The following RNF220 variants were observed in gnomAD, a reference collection of about 807,000 sequenced individuals.
RNF220 encodes the protein E3 ubiquitin-protein ligase RNF220.
In RNF220, 7 loss-of-function variants were observed where a neutral mutation model predicts 67.1. The ratio of observed to expected loss-of-function variants is 0.10; its 90% CI spans 0.06 to 0.20. The LOEUF (loss-of-function observed/expected upper bound fraction) is 0.20, where lower values mean the gene tolerates loss of function less well. Among genes scored for constraint, RNF220 ranks in the 10% least tolerant of loss-of-function variants. The pLI, the probability that RNF220 is intolerant of heterozygous loss-of-function variation, is 1.00. For missense variants in RNF220, 565 were observed against 740.3 expected, an observed-to-expected ratio of 0.76 and a Z score of 2.75; for synonymous variants, 270 against 283.2, an observed-to-expected ratio of 0.95 and a Z score of 0.47.
intron 2 of RNF220, among the ~76,000 whole-genome samples, chr1:44,472,879 C>A (rs929903484): frequency 2.6e-5 from 4 of 152,200 alleles, no homozygotes; most frequent in African/African-American, 9.6e-5. Context: ...GCCTGTGGCT[C>A]CCTGCCACCT....
At position 44,494,463 on chromosome 1, in the gene RNF220, G is replaced by C. The variant is rs1334128212; in HGVS notation, c.625+81741G>C. On this transcript the variant is annotated intron_variant, in intron 2 of 14. Coordinates refer to ENST00000361799, the MANE Select transcript of RNF220 (RefSeq NM_018150.4). ...GAGACAACCTAAATGTTCCTCTCTA[G>C]GGAGCAGGTTAAAAAAATCATAATT... 2.0e-5 allele frequency among the ~76,000 whole-genome samples: 3 copies of C among 152,040 alleles called. No individual in the cohort carries two copies. The East Asian group carries it at 5.8e-4, about 29-fold the overall frequency.
chr1:44,514,585 G>A (rs1034906293), intron 2 of RNF220, among the ~76,000 whole-genome samples: 3 of 152,042 alleles, frequency 2.0e-5, no homozygotes, highest in Non-Finnish European at 4.4e-5. Flanking sequence ...CTCCTCTTCC[G>A]GCCTGCAGAA....
chr1:44,458,336 G>T (rs1451452545), intron 2 of RNF220, among the ~76,000 whole-genome samples: 1 of 141,184 alleles, frequency 7.1e-6, no homozygotes, highest in Non-Finnish European at 1.5e-5. Flanking sequence ...GATTTTTCCA[G>T]TTTTTTTTTT....
intron 1 of RNF220, among the ~76,000 whole-genome samples, chr1:44,406,581 G>A (rs924822885): frequency 1.3e-5 from 2 of 152,246 alleles, no homozygotes; most frequent in Non-Finnish European, 2.9e-5. Context: ...GGTCGCTGCG[G>A]TCCTGCGGCC....
intron 2 of RNF220, among the ~76,000 whole-genome samples, chr1:44,521,046 C>T (rs1290528905): frequency 1.3e-5 from 2 of 152,120 alleles, no homozygotes; most frequent in East Asian, 1.9e-4. Flanking sequence ...CAGGTGTGCA[C>T]CACCATGCCC....
intron 2 of RNF220, among the ~76,000 whole-genome samples, chr1:44,538,093 T>C (rs555093946): frequency 4.6e-5 from 7 of 152,386 alleles, no homozygotes; most frequent in African/African-American, 1.7e-4. Context: ...GTCCCTAGAC[T>C]TATCTGACTA....
At chr1:44,439,443 T>C (rs930920560) in intron 2 of RNF220, among the ~76,000 whole-genome samples, 19 of 152,096 alleles carry the variant, frequency 1.2e-4, no homozygotes, top group African/African-American at 4.6e-4. Context: ...TCTTTTTTAA[T>C]CTATAATATT....
chr1:44,623,147 T>C (rs1643863548), intron 4 of RNF220, among the ~76,000 whole-genome samples: 1 of 151,952 alleles, frequency 6.6e-6, no homozygotes, highest in Admixed American at 6.6e-5. Flanking sequence ...AATAAAGAAA[T>C]GCAGGTCAAG....
chr1:44,489,364 C>T (rs1656644563), intron 2 of RNF220, among the ~76,000 whole-genome samples: 1 of 152,198 alleles, frequency 6.6e-6, no homozygotes, highest in Non-Finnish European at 1.5e-5. Context: ...TACTATGAAG[C>T]AGAAGATGGT....
At chr1:44,450,332 A>G (rs1366154236) in intron 2 of RNF220, among the ~76,000 whole-genome samples, 1 of 152,144 alleles carries the variant, frequency 6.6e-6, no homozygotes, top group Non-Finnish European at 1.5e-5. Flanking sequence ...TGGTTTTGAA[A>G]TGTATAGGTA....
chr1:44,518,219 A>T (rs577481549), intron 2 of RNF220, among the ~76,000 whole-genome samples: 1 of 152,126 alleles, frequency 6.6e-6, no homozygotes, highest in East Asian at 1.9e-4. Context: ...TCAGGCCAGG[A>T]GTTCGAGAAT....
At chr1:44,424,098 TAGGAG>T in intron 2 of RNF220, 5 of 819,986 alleles carry the variant, frequency 6.1e-6, no homozygotes, top group Non-Finnish European at 5.9e-6. Flanking sequence ...ATCAAAGAAG[TAGGAG>T]ATGATACTTC....
intron 2 of RNF220, among the ~76,000 whole-genome samples, chr1:44,607,015 G>A (rs1276437429): frequency 6.6e-6 from 1 of 152,110 alleles, no homozygotes; most frequent in Admixed American, 6.5e-5. Flanking sequence ...ATCAGTCAAT[G>A]TTCTACCACC....
intron 2 of RNF220, among the ~76,000 whole-genome samples, chr1:44,597,357 GA>G (rs893125674): frequency 6.6e-6 from 1 of 152,072 alleles, no homozygotes; most frequent in African/African-American, 2.4e-5. Context: ...ACTTTGGGGG[GA>G]AAAGGGGCAA....
In RNF220 at chr1:44,502,988, A is replaced by AT. The variant is rs35788466; in HGVS notation, c.625+90272dup. ...GGTCTTGCTGTGTTGCCCAGGCTGC[A>AT]TTTTTTAAGATTTCATTGATATTTT... On this transcript the variant is annotated intron_variant, in intron 2 of 14. Transcript: ENST00000361799. 6.6e-5 allele frequency among the ~76,000 whole-genome samples: 10 copies of AT among 151,946 alleles called. No homozygotes were observed. The East Asian group carries it at 7.7e-4, about 12-fold the overall frequency.
rs1553208959 is a variant in RNF220 at position 44,405,394 on chromosome 1, T to TGCTGCTGCCGCTGCCGCCGCCGCCGCC, written c.-252_-251insTGCTGCCGCTGCCGCCGCCGCCGCCGC. On this transcript the variant is annotated 5_prime_UTR_variant, in exon 1 of 15. Transcript: ENST00000361799. ...AGCCGCCTACTGCTGCTGCTGCTGC[T>TGCTGCTGCCGCTGCCGCCGCCGCCGCC]GCCGCTGCCGCCGCCGCCGCCGCCG... The TGCTGCTGCCGCTGCCGCCGCCGCCGCC allele has an allele frequency of 3.2e-6, 2 of 628,702 alleles. No individual in the cohort carries two copies. The highest frequency in any genetic ancestry group is 5.7e-6 in the Non-Finnish European group (2 of 348,664). The allele number at this position is 628,702 out of a possible 1,614,324, so 38.9% of individuals were successfully genotyped here.
chr1:44,462,946 G>A (rs1283992534), intron 2 of RNF220, among the ~76,000 whole-genome samples: 1 of 151,756 alleles, frequency 6.6e-6, no homozygotes, highest in Non-Finnish European at 1.5e-5. Context: ...AGAATGGCAT[G>A]AACCCAGGAG....
At position 44,650,235 on chromosome 1, in the gene RNF220, G is replaced by T; in HGVS notation, c.1629+278G>T. ...CCCACTGCATCACACAGACTGGTGA[G>T]GCCTGGGGTCAGGAGGAGGCTGGCT... is the stretch of plus-strand genomic sequence containing the variant. On this transcript the variant is annotated intron_variant, in intron 14 of 14. Transcript: ENST00000361799. The surrounding 1 kb of genome is among the most constrained non-coding windows in gnomAD (Gnocchi z 4.3). The T allele has an allele frequency of 5.4e-6, 3 of 552,756 alleles. No homozygotes were observed. The highest frequency in any genetic ancestry group is 2.2e-5 in the South Asian group (1 of 45,858). 34.2% of individuals were successfully genotyped at this position (552,756 alleles called of 1,614,324 possible).
intron 2 of RNF220, among the ~76,000 whole-genome samples, chr1:44,525,953 C>T (rs1280504583): frequency 6.6e-6 from 1 of 152,188 alleles, no homozygotes; most frequent in Non-Finnish European, 1.5e-5. Flanking sequence ...TTTTGACCTC[C>T]GTTAGACCTT....
Sources: gnomAD v4.1 joint callset for allele counts (sites outside exome capture counted in the v4.1 genomes callset) on GRCh38, gnomAD v4.1.1 for gene constraint, Gnocchi (gnomAD v3.1) non-coding constraint, MANE v1.5 for transcripts, NCBI Gene and HGNC (gene_info 2026-07-23, HGNC 2026-07-21) for gene names.